Variants in KIF15 observed in about 807,000 individuals in gnomAD.
The protein encoded by KIF15 is kinesin family member 15.
KIF15 carries 140 observed loss-of-function variants against 190.6 expected under a neutral mutation model. The ratio of observed to expected loss-of-function variants is 0.73; its 90% CI spans 0.64 to 0.84. The LOEUF (loss-of-function observed/expected upper bound fraction) is 0.84, where lower values mean the gene tolerates loss of function less well. Among genes scored for constraint, KIF15 ranks in the 40% least tolerant of loss-of-function variants. The pLI, the probability that KIF15 is intolerant of heterozygous loss-of-function variation, is 0.00. For missense variants in KIF15, 1,372 were observed against 1,584.4 expected (o/e 0.87, Z 2.28); for synonymous variants, 528 against 551.3 (o/e 0.96, Z 0.59).
intron 7 of KIF15, among the ~76,000 whole-genome samples, chr3:44,790,732 C>T (rs1203235811): frequency 7.3e-6 from 1 of 136,376 alleles, no homozygotes; most frequent in Admixed American, 7.9e-5. Flanking sequence ...CTCGCTCTGT[C>T]GCCAGGCTAG....
intron 32 of KIF15, among the ~76,000 whole-genome samples, chr3:44,850,628 T>C (rs1236779274): frequency 6.6e-6 from 1 of 152,154 alleles, no homozygotes; most frequent in Admixed American, 6.5e-5. Flanking sequence ...ACGTTACCCA[T>C]ATATTTGTGA....
chr3:44,828,263 T>C lies in KIF15; in HGVS notation c.2906T>C (p.Val969Ala), dbSNP rs1350804950. The change falls in exon 24 of 35, where the codon GTG becomes GCG. Residue 969 changes from valine to alanine, a missense_variant. Physicochemically the swap from Val to Ala is moderately conservative, Grantham distance 64. Transcript: ENST00000326047. Reference sequence around the variant, plus strand: ...GAGAGCTTGCTTGCTACTGAAAAAGTGATCAGTTCCCTGGAAAAGTCTAGA... The same window carrying C: ...GAGAGCTTGCTTGCTACTGAAAAAGCGATCAGTTCCCTGGAAAAGTCTAGA... The part of the protein sequence containing the change: ...LEESLLATEK[V>A]ISSLEKSRDS... 6.2e-7 allele frequency: 1 copy of C among 1,613,720 alleles called. No individual in the cohort carries two copies. The highest frequency in any genetic ancestry group is 8.5e-7 in the Non-Finnish European group (1 of 1,179,680).
chr3:44,862,026 G>A (rs1407854066), intron 6 of KIF15: 8 of 1,382,388 alleles, frequency 5.8e-6, no homozygotes, highest in African/African-American at 3.0e-5. Context: ...GTGCGATGCG[G>A]CGCCGCTTTT....
downstream of KIF15, among the ~76,000 whole-genome samples, chr3:44,854,723 A>G (rs1205841281): frequency 6.6e-6 from 1 of 152,124 alleles, no homozygotes. Flanking sequence ...GTCCAAAATC[A>G]AGGTGTGAGT....
intron 20 of KIF15, among the ~76,000 whole-genome samples, chr3:44,819,764 C>T (rs1203427634): frequency 1.3e-5 from 2 of 152,172 alleles, no homozygotes; most frequent in East Asian, 3.8e-4. Context: ...ATTAGGTCCG[C>T]TTGGTCCAGA....
chr3:44,852,792 CA>C lies in KIF15; in HGVS notation c.*59del. On this transcript the variant is annotated 3_prime_UTR_variant, in exon 35 of 35. Coordinates refer to ENST00000326047, the MANE Select transcript of KIF15 (RefSeq NM_020242.3). ...GTTTGAAGATGTTTCTTCTCTTTTA[CA>C]AGTAAGACCTACTCCTGGCCACTTA... The C allele has an allele frequency of 7.2e-7, 1 of 1,388,352 alleles. No individual in the cohort carries two copies. The highest frequency in any genetic ancestry group is 1.0e-6 in the Non-Finnish European group (1 of 1,002,000). The allele number at this position is 1,388,352 out of a possible 1,614,324, so 86.0% of individuals were successfully genotyped here. A position where few individuals can be genotyped will look rare whatever the true frequency, so the allele number is the denominator to read the frequency against.
chr3:44,821,267 A>C (rs1003205817), intron 20 of KIF15, among the ~76,000 whole-genome samples: 1 of 137,858 alleles, frequency 7.3e-6, no homozygotes, highest in African/African-American at 2.8e-5. Context: ...TGACCCCCCC[A>C]CCTCCCTCCT....
intron 26 of KIF15, among the ~76,000 whole-genome samples, chr3:44,836,514 A>G (rs1575671885): frequency 6.6e-6 from 1 of 152,174 alleles, no homozygotes; most frequent in South Asian, 2.1e-4. Flanking sequence ...CTAACAACAG[A>G]TGGGGAAAAT....
At chr3:44,813,242 C>T in intron 19 of KIF15, 62 bp downstream of exon 19, 8 of 928,430 alleles carry the variant, frequency 8.6e-6, no homozygotes, top group Non-Finnish European at 1.1e-5. Context: ...TATCTTTTTA[C>T]TTTTATTAAT....
At chr3:44,807,510 C>T (rs938582566) in intron 16 of KIF15, among the ~76,000 whole-genome samples, 3 of 152,162 alleles carry the variant, frequency 2.0e-5, no homozygotes, top group Non-Finnish European at 4.4e-5. Flanking sequence ...AGGTGTGAGC[C>T]ACCGCGCCCA....
chr3:44,801,593 GC>G (rs1707281506), intron 12 of KIF15, 67 bp downstream of exon 12: 8 of 1,076,870 alleles, frequency 7.4e-6, no homozygotes, highest in Non-Finnish European at 9.9e-6. Context: ...GGTTTTTATT[GC>G]CTTACTAAGT....
At chr3:44,860,149 G>A (rs1028813048) in intron 6 of KIF15, among the ~76,000 whole-genome samples, 13 of 152,202 alleles carry the variant, frequency 8.5e-5, no homozygotes, top group Non-Finnish European at 1.3e-4. Context: ...TTAACCTTTA[G>A]TGCTAGTAGA....
In KIF15 at chr3:44,767,789, G is replaced by A. The variant is rs560582367; in HGVS notation, c.19+5905G>A. Among the ~76,000 whole-genome samples the A allele has an allele frequency of 9.8e-4, 149 of 151,734 alleles. 2 individuals are homozygous for A. Among genetic ancestry groups the A allele is most frequent in the African/African-American group, 3.4e-3 (142 of 41,348 alleles). On this transcript the variant is annotated intron_variant, in intron 1 of 34. Coordinates refer to ENST00000326047, the MANE Select transcript of KIF15 (RefSeq NM_020242.3). ...AGGCCCCTGTAGTCCCAGCTACTCC[G>A]GAGGCTGAGGCAGGAGAATGGCATG...
At chr3:44,833,598 C>T (rs1426345247) in intron 26 of KIF15, among the ~76,000 whole-genome samples, 1 of 146,182 alleles carries the variant, frequency 6.8e-6, no homozygotes, top group Admixed American at 6.9e-5. Context: ...AGGCGGAGCT[C>T]AGGCAGTAAT....
intron 1 of KIF15, among the ~76,000 whole-genome samples, chr3:44,762,590 C>T (rs549822350): frequency 6.6e-6 from 1 of 152,304 alleles, no homozygotes; most frequent in East Asian, 1.9e-4. Flanking sequence ...TGATTATGAG[C>T]TGATTTAATG....
chr3:44,853,587 ATC>A (rs1471519051), downstream of KIF15, among the ~76,000 whole-genome samples: 1 of 152,234 alleles, frequency 6.6e-6, no homozygotes, highest in African/African-American at 2.4e-5. Flanking sequence ...TTACTGGGTT[ATC>A]TGAAAAGCAT....
intron 19 of KIF15, among the ~76,000 whole-genome samples, chr3:44,814,176 G>T (rs1467313116): frequency 6.6e-6 from 1 of 152,198 alleles, no homozygotes; most frequent in African/African-American, 2.4e-5. Context: ...AGTTGTAGTT[G>T]TCTTAGAAGA....
At position 44,794,325 on chromosome 3, in the gene KIF15, A is replaced by G; in HGVS notation, c.748A>G (p.Ser250Gly). ...FTITIESMEK[S>G]NEIVNIRTSL... Reference sequence around the variant, plus strand: ...AATTACAATAGAGTCAATGGAGAAAAGTAATGAGATTGTGAATATACGGAC... The same window carrying G: ...AATTACAATAGAGTCAATGGAGAAAGGTAATGAGATTGTGAATATACGGAC... Residue 250 changes from serine (S) to glycine (G), a missense_variant, in exon 8 of 35, where the codon AGT becomes GGT. Coordinates refer to ENST00000326047, the MANE Select transcript of KIF15 (RefSeq NM_020242.3). The G allele has an allele frequency of 6.2e-7, 1 of 1,614,060 alleles. No individual in the cohort carries two copies. The highest frequency in any genetic ancestry group is 8.5e-7 in the Non-Finnish European group (1 of 1,179,978).
chr3:44,821,427 G>A lies in KIF15; in HGVS notation c.2550-4612G>A, dbSNP rs916593345. On this transcript the variant is annotated intron_variant, in intron 20 of 34. Transcript: ENST00000326047. ...TCAGACGGGGCGGTCGGGCAGAGAC[G>A]CTCCTCTCCTCCCAGACGGGGTTGC... Among the ~76,000 whole-genome samples the A allele has an allele frequency of 5.2e-5, 7 of 134,604 alleles. 1 individual carries two copies. The highest frequency in any genetic ancestry group is 1.1e-4 in the African/African-American group (4 of 36,084). 88.3% of individuals were successfully genotyped at this position (134,604 alleles called of 152,430 possible). A position where few individuals can be genotyped will look rare whatever the true frequency, so the allele number is the denominator to read the frequency against.
Sources: gnomAD v4.1 joint callset for allele counts (sites outside exome capture counted in the v4.1 genomes callset) on GRCh38, gnomAD v4.1.1 for gene constraint, MANE v1.5 for transcripts, NCBI Gene and HGNC (gene_info 2026-07-23, HGNC 2026-07-21) for gene names.